XPO1: variants seen among roughly 807,000 people sequenced by gnomAD.
XPO1 encodes the protein exportin 1, also known as exportin-1.
Under a neutral mutation model 133.3 loss-of-function variants are expected in XPO1, and 5 were observed. The observed-to-expected ratio is 0.04, with a 90% CI of 0.02 to 0.08. XPO1 has a LOEUF of 0.08. Ranked by LOEUF, XPO1 falls within the 10% of genes least tolerant of loss-of-function variation. The probability of loss-of-function intolerance (pLI) is 1.00; values close to 1 mark genes in which losing one functional copy is unlikely to be tolerated. For missense variants in XPO1, 506 were observed against 1,267.5 expected, an observed-to-expected ratio of 0.40 and a Z score of 9.12; for synonymous variants, 419 against 408.2, an observed-to-expected ratio of 1.03 and a Z score of -0.32.
At chr2:61,490,985 T>C (rs1407598371) in intron 16 of XPO1, among the ~76,000 whole-genome samples, 3 of 152,130 alleles carry the variant, frequency 2.0e-5, no homozygotes, top group African/African-American at 7.2e-5. Flanking sequence ...TGAAACCCCA[T>C]CTCTTCTACA....
rs553900166 is a variant in XPO1 at position 61,504,381 on chromosome 2, G to C, written c.302-2071C>G. Reference sequence around the variant, plus strand: ...TGAGAACATTTTTAAAGGAAAAGTAGTGTGGTACACCTATATTGAAACACT... The same window carrying C: ...TGAGAACATTTTTAAAGGAAAAGTACTGTGGTACACCTATATTGAAACACT... On this transcript the variant is annotated intron_variant, in intron 4 of 24. Transcript: ENST00000401558. Among the ~76,000 whole-genome samples the C allele has an allele frequency of 1.6e-3, 237 of 152,164 alleles. 1 individual carries two copies. The highest frequency in any genetic ancestry group is 2.9e-3 in the Non-Finnish European group (199 of 68,036).
At chr2:61,494,594 C>T (rs1697148184) in intron 11 of XPO1, 1 of 152,576 alleles carries the variant, frequency 6.6e-6, no homozygotes, top group South Asian at 2.1e-4. Flanking sequence ...ATAGATATAT[C>T]TACAGAGACA....
intron 4 of XPO1, among the ~76,000 whole-genome samples, chr2:61,503,301 C>T (rs577710871): frequency 3.3e-5 from 5 of 152,124 alleles, no homozygotes; most frequent in African/African-American, 1.2e-4. Context: ...GTTGCCCAGG[C>T]TGGAGTGCAG....
Position 61,522,699 on chromosome 2 carries a change from T to C in XPO1, c.229-16A>G, listed in dbSNP as rs185232494. On this transcript the variant is annotated splice_polypyrimidine_tract_variant and intron_variant, in intron 3 of 24. Coordinates refer to ENST00000401558, the MANE Select transcript of XPO1 (RefSeq NM_003400.4). ...GTCCATAGTACTGAAAATTGGAGAA[T>C]AGAAGCATGTGAATATATTGCTTAT... 6.9e-6 allele frequency: 11 copies of C among 1,587,988 alleles called. No individual in the cohort carries two copies. Among genetic ancestry groups the C allele is most frequent in the African/African-American group, 1.3e-5 (1 of 74,444 alleles).
chr2:61,488,314 T>G (rs770120438), intron 18 of XPO1, 43 bp from the exon 19 acceptor site: 230 of 1,550,452 alleles, frequency 1.5e-4, no homozygotes, highest in Non-Finnish European at 1.9e-4. Flanking sequence ...ACCACTAAAC[T>G]TATACAGTGG....
intron 19 of XPO1, 96 bp downstream of exon 19, chr2:61,488,069 G>A (rs1258471991): frequency 2.0e-5 from 21 of 1,054,756 alleles, no homozygotes; most frequent in Middle Eastern, 2.1e-4. Flanking sequence ...AAGTTGATAT[G>A]CTTTAAATTA....
intron 4 of XPO1, 120 bp downstream of exon 4, chr2:61,522,491 A>AT: frequency 2.5e-6 from 2 of 813,080 alleles, no homozygotes; most frequent in South Asian, 3.4e-5. Context: ...TGATAAAAGC[A>AT]ATAAGCTCCA....
chr2:61,534,050 AAAGC>A (rs1358202387), intron 1 of XPO1, 147 bp from the exon 2 acceptor site: 63 of 758,694 alleles, frequency 8.3e-5, no homozygotes, highest in African/African-American at 1.8e-5. Context: ...TGAGATAGTA[AAAGC>A]AAGTAACAAA....
upstream of XPO1, chr2:61,538,412 A>G (rs1699449317): frequency 6.6e-6 from 1 of 152,546 alleles, no homozygotes; most frequent in Non-Finnish European, 1.5e-5. Flanking sequence ...CAGCCGCGCC[A>G]TGAGCCTATC....
chr2:61,526,662 G>A, intron 2 of XPO1, 141 bp from the exon 3 acceptor site: 2 of 578,862 alleles, frequency 3.5e-6, no homozygotes, highest in Non-Finnish European at 5.4e-6. Flanking sequence ...TCAAAAATTA[G>A]ACCTTACAGA....
At chr2:61,486,607 C>G (rs890375043) in intron 19 of XPO1, among the ~76,000 whole-genome samples, 7 of 152,094 alleles carry the variant, frequency 4.6e-5, no homozygotes, top group African/African-American at 1.7e-4. Context: ...AGGCACCTGC[C>G]ACCACGCCCA....
intron 9 of XPO1, 137 bp downstream of exon 9, chr2:61,498,536 G>T: frequency 9.1e-7 from 1 of 1,104,968 alleles, no homozygotes; most frequent in Non-Finnish European, 1.3e-6. Flanking sequence ...TGTGAATATG[G>T]GAAATTTCTC....
In XPO1 at chr2:61,492,539, T is replaced by A; in HGVS notation, c.1566+28A>T. On this transcript the variant is annotated intron_variant, in intron 14 of 24. Coordinates refer to ENST00000401558, the MANE Select transcript of XPO1 (RefSeq NM_003400.4). The surrounding 1 kb of genome is among the most constrained non-coding windows in gnomAD (Gnocchi z 5.6). ...TAACAACATAATACTTATTTAGCAA[T>A]TCTAATTCATACCTATCCCTTGCAT... 1 of 1,598,142 alleles carries A rather than the reference T, an allele frequency of 6.3e-7. No homozygotes were observed.
In XPO1 at chr2:61,496,957, C is replaced by G; in HGVS notation, c.810G>C (p.Glu270Asp). The G allele has an allele frequency of 6.2e-7, 1 of 1,613,496 alleles. No individual in the cohort carries two copies. Among genetic ancestry groups the G allele is most frequent in the Non-Finnish European group, 8.5e-7 (1 of 1,179,816 alleles). Residue 270 changes from glutamate (E) to aspartate (D), a missense_variant, in exon 10 of 25, where the codon GAG becomes GAC. By Grantham distance (45) the Glu-to-Asp change is conservative. Coordinates refer to ENST00000401558, the MANE Select transcript of XPO1 (RefSeq NM_003400.4). Reference sequence around the variant, plus strand: ...ATTGGCTTACACTCACACCAGCAATCTCAGTGAGGCACTTCAGAGAGACAT... The same window carrying G: ...ATTGGCTTACACTCACACCAGCAATGTCAGTGAGGCACTTCAGAGAGACAT... Reference protein sequence around the residue: ...FRNVSLKCLTEIAGVSVSQYE... With the variant: ...FRNVSLKCLTDIAGVSVSQYE...
At chr2:61,505,843 C>T (rs1697781987) in intron 4 of XPO1, among the ~76,000 whole-genome samples, 1 of 152,198 alleles carries the variant, frequency 6.6e-6, no homozygotes, top group African/African-American at 2.4e-5. Flanking sequence ...CATGAGCCAC[C>T]GCGCCTGGCT....
At chr2:61,486,856 A>C (rs1244551955) in intron 19 of XPO1, among the ~76,000 whole-genome samples, 1 of 152,160 alleles carries the variant, frequency 6.6e-6, no homozygotes, top group Non-Finnish European at 1.5e-5. Flanking sequence ...CCTAAACTGG[A>C]CTTGAGCTGG....
intron 2 of XPO1, among the ~76,000 whole-genome samples, chr2:61,529,309 G>C (rs1699050822): frequency 6.6e-6 from 1 of 152,188 alleles, no homozygotes; most frequent in Non-Finnish European, 1.5e-5. Context: ...AACCATTTCT[G>C]ACAAAGATAC....
chr2:61,478,669 A>C lies in XPO1; in HGVS notation c.*151T>G. The C allele has an allele frequency of 1.4e-6, 1 of 719,302 alleles. No homozygotes were observed. The highest frequency in any genetic ancestry group is 2.1e-6 in the Non-Finnish European group (1 of 473,252). 44.6% of individuals were successfully genotyped at this position (719,302 alleles called of 1,614,324 possible). On this transcript the variant is annotated 3_prime_UTR_variant, in exon 25 of 25. Coordinates refer to ENST00000401558, the MANE Select transcript of XPO1 (RefSeq NM_003400.4). ...TAAACAATGGAAGGATATTTCACAG[A>C]AAATTTCTTATACAAAAAAACACAT... is the stretch of plus-strand genomic sequence containing the variant.
intron 2 of XPO1, among the ~76,000 whole-genome samples, chr2:61,528,735 A>T (rs1327504583): frequency 0.015 from 22 of 1,430 alleles, no homozygotes; most frequent in South Asian, 0.071. Context: ...CATTTTATTT[A>T]TATATATATA....
Sources: gnomAD v4.1 joint callset for allele counts (sites outside exome capture counted in the v4.1 genomes callset) on GRCh38, gnomAD v4.1.1 for gene constraint, Gnocchi (gnomAD v3.1) non-coding constraint, MANE v1.5 for transcripts, NCBI Gene and HGNC (gene_info 2026-07-23, HGNC 2026-07-21) for gene names.